RTN1: variants seen among roughly 807,000 people sequenced by gnomAD.
RTN1 encodes the protein reticulon-1.
Under a neutral mutation model 65.5 loss-of-function variants are expected in RTN1, and 25 were observed. The observed-to-expected ratio is 0.38, with a 90% CI of 0.28 to 0.53. The LOEUF (loss-of-function observed/expected upper bound fraction) is 0.53. Ranked by LOEUF, RTN1 falls within the 20% of genes least tolerant of loss-of-function variation. RTN1 has a pLI of 0.79. For synonymous variants in RTN1, 471 were observed against 447.6 expected (o/e 1.05, Z -0.66); for missense variants, 983 against 1,025.4 (o/e 0.96, Z 0.57).
In RTN1 at chr14:59,730,590, T is replaced by A. The variant is rs80013301; in HGVS notation, c.1016-2922A>T. Among the ~76,000 whole-genome samples the A allele has an allele frequency of 2.1e-3, 316 of 152,266 alleles. 8 individuals are homozygous for A. The East Asian group carries it at 0.036, about 17-fold the overall frequency. ...ACAATCAACAGAACAGGAGAAAATATTTGCAAATCATATATCTGATAAGGG... is the reference window on the plus strand; with the variant it reads ...ACAATCAACAGAACAGGAGAAAATAATTGCAAATCATATATCTGATAAGGG... On this transcript the variant is annotated intron_variant, in intron 2 of 8. Coordinates refer to ENST00000267484, the MANE Select transcript of RTN1 (RefSeq NM_021136.3).
chr14:59,732,048 A>T (rs571501345), intron 2 of RTN1, among the ~76,000 whole-genome samples: 7 of 152,364 alleles, frequency 4.6e-5, no homozygotes, highest in Admixed American at 1.3e-4. Flanking sequence ...AGAGGAGGTC[A>T]TTGAGGAAGC....
chr14:59,612,419 T>G (rs985270316), intron 3 of RTN1, among the ~76,000 whole-genome samples: 1 of 152,174 alleles, frequency 6.6e-6, no homozygotes, highest in African/African-American at 2.4e-5. Flanking sequence ...CTGGTCTCTC[T>G]CTCTCTCCCT....
chr14:59,697,649 C>G (rs1884089844), intron 3 of RTN1, among the ~76,000 whole-genome samples: 1 of 152,128 alleles, frequency 6.6e-6, no homozygotes, highest in Admixed American at 6.5e-5. Flanking sequence ...AGGCCTAGTA[C>G]TTCCACCCAA....
chr14:59,647,564 A>T (rs1566671827), intron 3 of RTN1, among the ~76,000 whole-genome samples: 1 of 152,226 alleles, frequency 6.6e-6, no homozygotes, highest in Non-Finnish European at 1.5e-5. Context: ...AACAATTTTC[A>T]GCAAATGTAA....
chr14:59,610,162 C>A (rs754162392), intron 3 of RTN1: 3 of 770,398 alleles, frequency 3.9e-6, no homozygotes, highest in East Asian at 4.9e-5. Flanking sequence ...CCTCCTAAAT[C>A]TCCAACCAGG....
At chr14:59,614,366 A>G (rs1882047107) in intron 3 of RTN1, among the ~76,000 whole-genome samples, 2 of 152,124 alleles carry the variant, frequency 1.3e-5, no homozygotes, top group Non-Finnish European at 2.9e-5. Flanking sequence ...GAAACTGGCA[A>G]ATGAAAAATT....
chr14:59,852,847 C>T (rs1018282939), intron 1 of RTN1, among the ~76,000 whole-genome samples: 6 of 152,190 alleles, frequency 3.9e-5, no homozygotes, highest in African/African-American at 1.4e-4. Flanking sequence ...CTGATTTAGA[C>T]TGCTCTTCCT....
At position 59,816,697 on chromosome 14, in the gene RTN1, G is replaced by T. The variant is rs1461117070; in HGVS notation, c.241+53693C>A. 2.0e-5 allele frequency among the ~76,000 whole-genome samples: 3 copies of T among 152,136 alleles called. No individual in the cohort carries two copies. Among genetic ancestry groups the T allele is most frequent in the Non-Finnish European group, 4.4e-5 (3 of 68,022 alleles). On this transcript the variant is annotated intron_variant, in intron 1 of 8. Coordinates refer to ENST00000267484, the MANE Select transcript of RTN1 (RefSeq NM_021136.3). The surrounding 1 kb of genome is among the most constrained non-coding windows in gnomAD (Gnocchi z 4.3). ...GCCTGTAATCCCAGCACTTTAGGAG[G>T]CCGAGGCTGGCGAATCACTTGAGTC...
chr14:59,776,109 C>T (rs892460875), intron 1 of RTN1, among the ~76,000 whole-genome samples: 1 of 151,968 alleles, frequency 6.6e-6, no homozygotes, highest in Non-Finnish European at 1.5e-5. Flanking sequence ...GAATAAATAC[C>T]TTGTGCCAAC....
intron 1 of RTN1, among the ~76,000 whole-genome samples, chr14:59,777,201 T>G (rs1430095737): frequency 6.6e-6 from 1 of 152,152 alleles, no homozygotes; most frequent in East Asian, 1.9e-4. Flanking sequence ...GAAGAGCAAA[T>G]GGTGCACACC....
rs1887471997 is a variant in RTN1 at position 59,849,801 on chromosome 14, G to A, written c.241+20589C>T. Reference sequence around the variant, plus strand: ...GAACTCCCACTCTCACTTACTCCAGGTTCTAGAATTTAGCCAAGTCTTCTT... The same window carrying A: ...GAACTCCCACTCTCACTTACTCCAGATTCTAGAATTTAGCCAAGTCTTCTT... On this transcript the variant is annotated intron_variant, in intron 1 of 8. Coordinates refer to ENST00000267484, the MANE Select transcript of RTN1 (RefSeq NM_021136.3). The surrounding 1 kb of genome is among the most constrained non-coding windows in gnomAD (Gnocchi z 4.5). Among the ~76,000 whole-genome samples the A allele has an allele frequency of 6.6e-6, 1 of 152,150 alleles. No individual in the cohort carries two copies. Among genetic ancestry groups the A allele is most frequent in the Non-Finnish European group, 1.5e-5 (1 of 68,028 alleles).
intron 1 of RTN1, among the ~76,000 whole-genome samples, chr14:59,767,824 G>A (rs1436654790): frequency 6.6e-6 from 1 of 152,198 alleles, no homozygotes; most frequent in Non-Finnish European, 1.5e-5. Context: ...CTATGGGCCA[G>A]AGTGCAAATA....
At chr14:59,720,252 T>TAA (rs11414630) in intron 3 of RTN1, among the ~76,000 whole-genome samples, 83 of 150,392 alleles carry the variant, frequency 5.5e-4, no homozygotes, top group Admixed American at 1.6e-3. Context: ...GCCACCATTT[T>TAA]AAAAAAAAAA....
chr14:59,750,184 TAC>T (rs369938415), intron 1 of RTN1, among the ~76,000 whole-genome samples: 467 of 21,726 alleles, frequency 0.021, 87 homozygotes, highest in Middle Eastern at 0.12. Context: ...TAATATATAA[TAC>T]ATATATTATA....
chr14:59,838,922 T>A (rs1887262827), intron 1 of RTN1, among the ~76,000 whole-genome samples: 1 of 152,170 alleles, frequency 6.6e-6, no homozygotes, highest in South Asian at 2.1e-4. Flanking sequence ...TTTTAAATAT[T>A]GCAATTTCCC....
rs188749916 is a variant in RTN1 at position 59,603,983 on chromosome 14, T to C, written c.2113-62A>G. On this transcript the variant is annotated intron_variant, in intron 5 of 8. Transcript: ENST00000267484. ...CTTCCTGACAAGTTAGAGTCTCATATCATTGACTTTTACCTAGATTTGAAT... is the reference window on the plus strand; with the variant it reads ...CTTCCTGACAAGTTAGAGTCTCATACCATTGACTTTTACCTAGATTTGAAT... 2.3e-6 allele frequency: 3 copies of C among 1,311,078 alleles called. No homozygotes were observed. The African/African-American group carries it at 4.4e-5, about 19-fold the overall frequency. The allele number at this position is 1,311,078 out of a possible 1,614,324, so 81.2% of individuals were successfully genotyped here. A position where few individuals can be genotyped will look rare whatever the true frequency, so the allele number is the denominator to read the frequency against.
intron 1 of RTN1, among the ~76,000 whole-genome samples, chr14:59,804,161 C>T (rs1451122979): frequency 6.6e-6 from 1 of 152,198 alleles, no homozygotes. Flanking sequence ...TTAGGCTTCT[C>T]TTGGCTATGA....
At position 59,749,420 on chromosome 14, in the gene RTN1, C is replaced by CTATATATATCTA. The variant is rs373753805; in HGVS notation, c.242-2940_242-2939insTAGATATATATA. On this transcript the variant is annotated intron_variant, in intron 1 of 8. Coordinates refer to ENST00000267484, the MANE Select transcript of RTN1 (RefSeq NM_021136.3). ...TATATATATCTATATCTATATATAT[C>CTATATATATCTA]TATATATCTATATATATCTATATCT... is the stretch of plus-strand genomic sequence containing the variant. Among the ~76,000 whole-genome samples the CTATATATATCTA allele has an allele frequency of 8.6e-5, 3 of 34,936 alleles. 1 individual carries two copies. Among genetic ancestry groups the CTATATATATCTA allele is most frequent in the African/African-American group, 5.8e-4 (3 of 5,180 alleles). 22.9% of individuals were successfully genotyped at this position (34,936 alleles called of 152,430 possible).
intron 3 of RTN1, among the ~76,000 whole-genome samples, chr14:59,671,776 G>A (rs1883509833): frequency 6.6e-6 from 1 of 152,222 alleles, no homozygotes; most frequent in African/African-American, 2.4e-5. Flanking sequence ...CCAATGCTTA[G>A]GCGGGGAACA....
Sources: allele counts gnomAD v4.1 joint callset (sites outside exome capture counted in the v4.1 genomes callset), GRCh38; gene constraint gnomAD v4.1.1; non-coding constraint Gnocchi (gnomAD v3.1); transcripts MANE v1.5; gene names NCBI Gene and HGNC (gene_info 2026-07-23, HGNC 2026-07-21).